The following SKOR2 variants were observed in gnomAD, a reference collection of about 807,000 sequenced individuals.
The protein encoded by SKOR2 is LBX1 corepressor 1-like protein.
In SKOR2, 47 loss-of-function variants were observed where a neutral mutation model predicts 69.1. The observed-to-expected ratio is 0.68, with a 90% CI of 0.54 to 0.87. The LOEUF (loss-of-function observed/expected upper bound fraction) is 0.87, where lower values mean the gene tolerates loss of function less well. Ranked by LOEUF, SKOR2 falls within the 40% of genes least tolerant of loss-of-function variation. The probability of loss-of-function intolerance (pLI) is 0.00; values close to 1 mark genes in which losing one functional copy is unlikely to be tolerated. For missense variants in SKOR2, 1,404 were observed against 1,472.2 expected (o/e 0.95, Z 0.76); for synonymous variants, 717 against 672.6 (o/e 1.07, Z -1.02).
rs73954301 is a variant in SKOR2 at position 47,242,646 on chromosome 18, A to G, written c.2752+2262T>C. 2.1e-3 allele frequency among the ~76,000 whole-genome samples: 318 copies of G among 152,270 alleles called. 1 individual carries two copies. Among genetic ancestry groups the G allele is most frequent in the African/African-American group, 7.3e-3 (302 of 41,562 alleles). On this transcript the variant is annotated intron_variant, in intron 4 of 8. Coordinates refer to ENST00000425639, the MANE Select transcript of SKOR2 (RefSeq NM_001278063.4). ...GTTCAGCAGAAGTAGACTTATGAAGATTGATATTTATCTAGTAGATAAACG... is the reference window on the plus strand; with the variant it reads ...GTTCAGCAGAAGTAGACTTATGAAGGTTGATATTTATCTAGTAGATAAACG...
chr18:47,211,909 T>A (rs2064129001), intron 8 of SKOR2, among the ~76,000 whole-genome samples, 177 bp downstream of exon 8: 1 of 152,210 alleles, frequency 6.6e-6, no homozygotes, highest in Non-Finnish European at 1.5e-5. Context: ...AAGTACTTGG[T>A]CATTCATTTA....
At position 47,246,885 on chromosome 18, in the gene SKOR2, C is replaced by T. The variant is rs896692419; in HGVS notation, c.2299G>A (p.Glu767Lys). The T allele has an allele frequency of 8.1e-6, 12 of 1,490,300 alleles. No individual in the cohort carries two copies. The highest frequency in any genetic ancestry group is 4.4e-5 in the Admixed American group (2 of 45,634). 92.3% of individuals were successfully genotyped at this position (1,490,300 alleles called of 1,614,324 possible). ...ACCTCCGTCTCCTCGTCCTCTTCCT[C>T]GTCGTCGTCAGGGTCTCGACCTTCC... ...EEEGRDPDDD[E>K]EEDEETEVLL... Residue 767 changes from glutamate (E) to lysine (K), a missense_variant, in exon 2 of 9, where the codon GAG becomes AAG. Glu to Lys is a moderately conservative substitution (Grantham distance 56). Around this residue, in one of 3 missense-constraint regions of SKOR2, gnomAD observed 1,266 missense variants for 1,309.9 expected, o/e 0.97. Transcript: ENST00000425639.
chr18:47,231,076 A>C, intron 4 of SKOR2, 76 bp from the exon 5 acceptor site: 1 of 1,534,936 alleles, frequency 6.5e-7, no homozygotes, highest in Admixed American at 2.0e-5. Context: ...ATTTTCTTTT[A>C]ATATCTGCAA....
chr18:47,232,234 G>C (rs2064202565), intron 4 of SKOR2, among the ~76,000 whole-genome samples: 1 of 152,168 alleles, frequency 6.6e-6, no homozygotes, highest in Non-Finnish European at 1.5e-5. Context: ...ACAGTGACTT[G>C]CTTGCTGATA....
At chr18:47,238,314 TC>T (rs2064234028) in intron 4 of SKOR2, among the ~76,000 whole-genome samples, 15 of 145,154 alleles carry the variant, frequency 1.0e-4, no homozygotes, top group African/African-American at 3.1e-4. Flanking sequence ...TTTTTTCTTT[TC>T]TTTTCTTTTT....
chr18:47,223,910 T>C (rs2144488954), intron 6 of SKOR2, among the ~76,000 whole-genome samples: 1 of 151,764 alleles, frequency 6.6e-6, no homozygotes, highest in African/African-American at 2.4e-5. Flanking sequence ...GTTCTTTTTT[T>C]TTTTTTTAAA....
At chr18:47,216,651 G>A (rs994699018) in intron 7 of SKOR2, among the ~76,000 whole-genome samples, 13 of 152,066 alleles carry the variant, frequency 8.5e-5, no homozygotes, top group African/African-American at 2.4e-4. Flanking sequence ...TACCCAAGAC[G>A]CTTTCAATAT....
rs2064286936 is a variant in SKOR2 at position 47,247,664 on chromosome 18, C to T, written c.1520G>A (p.Arg507His). Residue 507 changes from arginine (R) to histidine (H), a missense_variant, in exon 2 of 9, where the codon CGC becomes CAC. By Grantham distance (29) the Arg-to-His change is conservative. This residue lies in a region of SKOR2 where 1,266 missense variants were observed against 1,309.9 expected (regional missense o/e 0.97). Transcript: ENST00000425639. The surrounding 1 kb of genome is among the most constrained non-coding windows in gnomAD (Gnocchi z 6.6). Reference protein sequence around the residue: ...CALGESPALLRQAFLDLAEPG... With the variant: ...CALGESPALLHQAFLDLAEPG... Reference sequence around the variant, plus strand: ...CTCAGCCAGGTCCAGGAAGGCCTGGCGCAGCAGGGCCGGGCTTTCGCCTAG... The same window carrying T: ...CTCAGCCAGGTCCAGGAAGGCCTGGTGCAGCAGGGCCGGGCTTTCGCCTAG... 7.3e-7 allele frequency: 1 copy of T among 1,366,414 alleles called. No homozygotes were observed. The highest frequency in any genetic ancestry group is 9.4e-7 in the Non-Finnish European group (1 of 1,064,004). The allele number at this position is 1,366,414 out of a possible 1,614,324, so 84.6% of individuals were successfully genotyped here.
chr18:47,228,640 C>T (rs1481315391), intron 6 of SKOR2, among the ~76,000 whole-genome samples: 1 of 152,152 alleles, frequency 6.6e-6, no homozygotes, highest in Non-Finnish European at 1.5e-5. Flanking sequence ...GCAAACTCAA[C>T]AATTAGATAA....
intron 4 of SKOR2, among the ~76,000 whole-genome samples, chr18:47,239,191 TAA>T (rs1174634549): frequency 6.6e-6 from 1 of 152,192 alleles, no homozygotes; most frequent in Non-Finnish European, 1.5e-5. Context: ...CACTTTGCAT[TAA>T]GTCATTAAAA....
At chr18:47,246,519 G>T in intron 2 of SKOR2, 52 bp downstream of exon 2, 26 of 1,452,464 alleles carry the variant, frequency 1.8e-5, no homozygotes, top group Non-Finnish European at 2.3e-5. Flanking sequence ...CAGCCTAAAG[G>T]TGCATTTAAA....
In SKOR2 at chr18:47,247,210, G is replaced by T. The variant is rs781179143; in HGVS notation, c.1974C>A (p.His658Gln). 1 of 1,424,382 alleles carries T rather than the reference G, an allele frequency of 7.0e-7. No individual in the cohort carries two copies. The highest frequency in any genetic ancestry group is 1.4e-5 in the South Asian group (1 of 69,664). 88.2% of individuals were successfully genotyped at this position (1,424,382 alleles called of 1,614,324 possible). A position where few individuals can be genotyped will look rare whatever the true frequency, so the allele number is the denominator to read the frequency against. Residue 658 changes from histidine (H) to glutamine (Q), a missense_variant, in exon 2 of 9, where the codon CAC becomes CAA. Physicochemically the swap from His to Gln is conservative, Grantham distance 24. Coordinates refer to ENST00000425639, the MANE Select transcript of SKOR2 (RefSeq NM_001278063.4). The surrounding 1 kb of genome is among the most constrained non-coding windows in gnomAD (Gnocchi z 6.6). ...HSAQTHPHHHHHPHHHHHHHH... is the reference protein window; with the variant it reads ...HSAQTHPHHHQHPHHHHHHHH... Reference sequence around the variant, plus strand: ...GGTGGTGGTGGTGGTGGTGAGGGTGGTGATGGTGGTGGGGATGCGTCTGGG... The same window carrying T: ...GGTGGTGGTGGTGGTGGTGAGGGTGTTGATGGTGGTGGGGATGCGTCTGGG...
rs1341641762 is a variant in SKOR2 at position 47,230,978 on chromosome 18, G to C, written c.2775C>G (p.Asn925Lys). ...ERSGEHTQET[N>K]SPHSLKKDVE... ...CATCCTTTTTCAGTGAATGAGGTGA[G>C]TTGGTTTCTTGTGTATGTTCACCTT... Residue 925 changes from asparagine (N) to lysine (K), a missense_variant, in exon 5 of 9, where the codon AAC becomes AAG. This residue lies in a region of SKOR2 where 1,266 missense variants were observed against 1,309.9 expected (regional missense o/e 0.97). Coordinates refer to ENST00000425639, the MANE Select transcript of SKOR2 (RefSeq NM_001278063.4). The C allele has an allele frequency of 6.5e-7, 1 of 1,535,810 alleles. No homozygotes were observed. Among genetic ancestry groups the C allele is most frequent in the Non-Finnish European group, 8.7e-7 (1 of 1,146,838 alleles).
intron 6 of SKOR2, among the ~76,000 whole-genome samples, chr18:47,226,771 C>T (rs1338789193): frequency 6.6e-6 from 1 of 152,178 alleles, no homozygotes; most frequent in African/African-American, 2.4e-5. Context: ...ATTCATTTGT[C>T]ACTATGCTAA....
chr18:47,233,552 A>C (rs1054948284), intron 4 of SKOR2, among the ~76,000 whole-genome samples: 11 of 152,364 alleles, frequency 7.2e-5, no homozygotes, highest in Non-Finnish European at 1.6e-4. Context: ...AAGAGAAGAA[A>C]GAAGCATGCA....
intron 4 of SKOR2, among the ~76,000 whole-genome samples, chr18:47,239,718 C>A (rs564813282): frequency 6.6e-6 from 1 of 151,784 alleles, no homozygotes; most frequent in South Asian, 2.1e-4. Context: ...AAGAAGGAAA[C>A]GTTCATAAAT....
intron 6 of SKOR2, among the ~76,000 whole-genome samples, chr18:47,227,147 A>G (rs766685399): frequency 6.6e-6 from 1 of 151,042 alleles, no homozygotes; most frequent in East Asian, 1.9e-4. Context: ...CTTCTCCTCC[A>G]TCTTCCTCCT....
In SKOR2 at chr18:47,249,068, T is replaced by C; in HGVS notation, c.116A>G (p.Asn39Ser). 2 of 1,536,846 alleles carry C rather than the reference T, an allele frequency of 1.3e-6. No individual in the cohort carries two copies. The highest frequency in any genetic ancestry group is 1.7e-6 in the Non-Finnish European group (2 of 1,147,086). ...GTAGAGGATCACCTGGCCCACCTGG[T>C]TGGGTTTGAGGTTGGCGTGCCCTGG... ...PRPGHANLKP[N>S]QVGQVILYGI... Residue 39 changes from asparagine (N) to serine (S), a missense_variant, in exon 2 of 9, where the codon AAC becomes AGC. By Grantham distance (46) the Asn-to-Ser change is conservative. Coordinates refer to ENST00000425639, the MANE Select transcript of SKOR2 (RefSeq NM_001278063.4).
intron 4 of SKOR2, 61 bp from the exon 5 acceptor site, chr18:47,231,061 T>A: frequency 1.3e-6 from 2 of 1,534,866 alleles, no homozygotes; most frequent in Non-Finnish European, 1.7e-6. Flanking sequence ...TAAGTTTTCC[T>A]TTACATTTTC....
Sources: gnomAD v4.1 joint callset for allele counts (sites outside exome capture counted in the v4.1 genomes callset) on GRCh38, gnomAD v4.1.1 for gene constraint, gnomAD v4.1.1 regional missense constraint, Gnocchi (gnomAD v3.1) non-coding constraint, MANE v1.5 for transcripts, NCBI Gene and HGNC (gene_info 2026-07-23, HGNC 2026-07-21) for gene names.